The following DSCAML1 variants were observed in gnomAD, a reference collection of about 807,000 sequenced individuals.
The protein encoded by DSCAML1 is cell adhesion molecule DSCAML1.
DSCAML1 carries 38 observed loss-of-function variants against 200.5 expected under a neutral mutation model. That is an observed-to-expected ratio of 0.19 (90% CI 0.15 to 0.25). DSCAML1 has a LOEUF of 0.25. DSCAML1 is among the 10% of genes least tolerant of loss of function. DSCAML1 has a pLI of 1.00. For missense variants in DSCAML1, 2,223 were observed against 2,858.8 expected, an observed-to-expected ratio of 0.78 and a Z score of 5.07; for synonymous variants, 1,215 against 1,165.0, an observed-to-expected ratio of 1.04 and a Z score of -0.87.
rs115088726 is a variant in DSCAML1, at chr11:117,485,267, C to T, written c.2360-3105G>A. On this transcript the variant is annotated intron_variant, in intron 11 of 32. Transcript: ENST00000651296. The stretch of plus-strand genomic sequence containing the variant: ...AGCTTTGTTCAGCCCTGTGGGCAGC[C>T]AGGGACAGCAGGGTCCCCAGGGATC... 8.8e-3 allele frequency among the ~76,000 whole-genome samples: 1,338 copies of T among 152,300 alleles called. 18 individuals carry two copies. The highest frequency in any genetic ancestry group is 0.03 in the African/African-American group (1,258 of 41,546).
chr11:117,520,142 A>C (rs1461486894), intron 6 of DSCAML1, among the ~76,000 whole-genome samples: 4 of 152,212 alleles, frequency 2.6e-5, no homozygotes, highest in Admixed American at 2.0e-4. Context: ...ACAAATGAGA[A>C]AGTGGTGCCT....
At chr11:117,750,776 C>G (rs1335665849) in intron 3 of DSCAML1, among the ~76,000 whole-genome samples, 1 of 152,192 alleles carries the variant, frequency 6.6e-6, no homozygotes, top group Admixed American at 6.5e-5. Context: ...CCACATAGTT[C>G]AAGAAAATAC....
At chr11:117,707,663 A>T (rs2053779612) in intron 3 of DSCAML1, among the ~76,000 whole-genome samples, 1 of 151,866 alleles carries the variant, frequency 6.6e-6, no homozygotes, top group South Asian at 2.1e-4. Flanking sequence ...CCTCCCGAGT[A>T]GCTGGGACTA....
chr11:117,740,010 G>A (rs1385438588), intron 3 of DSCAML1, among the ~76,000 whole-genome samples: 1 of 152,182 alleles, frequency 6.6e-6, no homozygotes, highest in Non-Finnish European at 1.5e-5. Context: ...ACGTGTGCAA[G>A]TCCAGAAGAG....
At chr11:117,526,300 C>T (rs1398343441) in intron 4 of DSCAML1, among the ~76,000 whole-genome samples, 2 of 152,200 alleles carry the variant, frequency 1.3e-5, no homozygotes, top group African/African-American at 4.8e-5. Flanking sequence ...CCTGCCTACA[C>T]TGTCCCCTGT....
chr11:117,479,185 G>C (rs531562788), intron 14 of DSCAML1, among the ~76,000 whole-genome samples: 1 of 152,338 alleles, frequency 6.6e-6, no homozygotes, highest in East Asian at 1.9e-4. Context: ...GAGGACAGCC[G>C]GCCGGCCAAT....
At chr11:117,680,620 G>A (rs1240053662) in intron 3 of DSCAML1, among the ~76,000 whole-genome samples, 1 of 152,208 alleles carries the variant, frequency 6.6e-6, no homozygotes, top group African/African-American at 2.4e-5. Flanking sequence ...TCATCGCTGT[G>A]GCCTGTGCTG....
intron 1 of DSCAML1, among the ~76,000 whole-genome samples, chr11:117,781,937 T>G (rs996076210): frequency 3.3e-5 from 5 of 152,236 alleles, no homozygotes; most frequent in African/African-American, 1.2e-4. Flanking sequence ...AATGTTGGAA[T>G]CAAGGGGTGT....
chr11:117,513,071 G>A lies in DSCAML1; in HGVS notation c.1783+3396C>T, dbSNP rs113893821. Among the ~76,000 whole-genome samples the A allele has an allele frequency of 2.3e-3, 352 of 152,208 alleles. 3 individuals carry two copies. The Middle Eastern group carries it at 0.027, about 12-fold the overall frequency. Reference sequence around the variant, plus strand: ...TGCTTGCCAGTGAGGGCTGGCGCAGGGAGTGGAGCAAAGGTTAGATGTTTT... The same window carrying A: ...TGCTTGCCAGTGAGGGCTGGCGCAGAGAGTGGAGCAAAGGTTAGATGTTTT... On this transcript the variant is annotated intron_variant, in intron 8 of 32. Transcript: ENST00000651296.
At chr11:117,616,199 T>C (rs1274865816) in intron 3 of DSCAML1, among the ~76,000 whole-genome samples, 1 of 152,080 alleles carries the variant, frequency 6.6e-6, no homozygotes, top group African/African-American at 2.4e-5. Flanking sequence ...AGTGATGGGG[T>C]TCTCACCACC....
chr11:117,769,173 A>T (rs1465509435), intron 3 of DSCAML1, among the ~76,000 whole-genome samples: 3 of 22,426 alleles, frequency 1.3e-4, no homozygotes, highest in Non-Finnish European at 3.2e-4. Context: ...TATATATTTT[A>T]TATATATTAT....
At chr11:117,782,363 T>C (rs1321824442) in intron 1 of DSCAML1, among the ~76,000 whole-genome samples, 1 of 152,202 alleles carries the variant, frequency 6.6e-6, no homozygotes, top group Non-Finnish European at 1.5e-5. Context: ...CTTGCTGCGG[T>C]GTCAGGAGCA....
intron 1 of DSCAML1, among the ~76,000 whole-genome samples, chr11:117,790,629 G>A (rs993928459): frequency 6.6e-6 from 1 of 152,190 alleles, no homozygotes; most frequent in African/African-American, 2.4e-5. Flanking sequence ...GTGTTCATAT[G>A]TTGCCTCATT....
intron 3 of DSCAML1, among the ~76,000 whole-genome samples, chr11:117,711,336 C>A (rs902712882): frequency 3.9e-5 from 6 of 152,184 alleles, no homozygotes; most frequent in Admixed American, 3.3e-4. Flanking sequence ...GAACTCCCTG[C>A]TGCTCCCGTT....
At chr11:117,602,985 A>G (rs963622868) in intron 3 of DSCAML1, among the ~76,000 whole-genome samples, 2 of 152,292 alleles carry the variant, frequency 1.3e-5, no homozygotes, top group Admixed American at 6.5e-5. Flanking sequence ...AATCCCAGCC[A>G]CTTGGGAGGC....
intron 1 of DSCAML1, among the ~76,000 whole-genome samples, chr11:117,810,495 C>T (rs2055752444): frequency 1.3e-5 from 2 of 151,952 alleles, no homozygotes; most frequent in Non-Finnish European, 2.9e-5. Flanking sequence ...GGGCAAGAAA[C>T]CCCCACCCCC....
chr11:117,710,662 G>C (rs759873954), intron 3 of DSCAML1, among the ~76,000 whole-genome samples: 1 of 152,214 alleles, frequency 6.6e-6, no homozygotes, highest in Admixed American at 6.5e-5. Flanking sequence ...GTGCCTACCT[G>C]TGAGGTCATT....
intron 1 of DSCAML1, among the ~76,000 whole-genome samples, chr11:117,781,573 G>A (rs75734044): frequency 0.087 from 13,228 of 152,244 alleles, 602 homozygotes; most frequent in Middle Eastern, 0.15. Context: ...TGGGAAATGC[G>A]TTGCCACAGA....
At position 117,556,254 on chromosome 11, in the gene DSCAML1, G is replaced by A. The variant is rs556097339; in HGVS notation, c.512-23732C>T. ...AGGGACATCCTCAGTTCTGGCTGGAGCTGAGGGGTCAGTTGGGGGCTACAG... is the reference window on the plus strand; with the variant it reads ...AGGGACATCCTCAGTTCTGGCTGGAACTGAGGGGTCAGTTGGGGGCTACAG... On this transcript the variant is annotated intron_variant, in intron 3 of 32. Transcript: ENST00000651296. Among the ~76,000 whole-genome samples, 106 of 152,270 alleles carry A rather than the reference G, an allele frequency of 7.0e-4. 1 individual carries two copies. Among genetic ancestry groups the A allele is most frequent in the African/African-American group, 2.4e-3 (101 of 41,562 alleles).
Sources: gnomAD v4.1 joint callset for allele counts (sites outside exome capture counted in the v4.1 genomes callset) on GRCh38, gnomAD v4.1.1 for gene constraint, MANE v1.5 for transcripts, NCBI Gene and HGNC (gene_info 2026-07-23, HGNC 2026-07-21) for gene names.